Variants in RIMS1 observed in about 807,000 individuals in gnomAD.
RIMS1 encodes the protein regulating synaptic membrane exocytosis protein 1.
Under a neutral mutation model 214.1 loss-of-function variants are expected in RIMS1, and 83 were observed. The ratio of observed to expected loss-of-function variants is 0.39; its 90% CI spans 0.32 to 0.47. The LOEUF (loss-of-function observed/expected upper bound fraction) is 0.47. RIMS1 is among the 20% of genes least tolerant of loss of function. RIMS1 has a pLI of 0.99. For synonymous variants in RIMS1, 793 were observed against 786.8 expected (o/e 1.01, Z -0.13); for missense variants, 2,050 against 2,161.8 (o/e 0.95, Z 1.03).
chr6:72,026,831 C>G (rs1333692127), intron 2 of RIMS1, among the ~76,000 whole-genome samples: 1 of 152,072 alleles, frequency 6.6e-6, no homozygotes, highest in Non-Finnish European at 1.5e-5. Context: ...CTTCAAAAAG[C>G]TTTTAAAGCC....
intron 28 of RIMS1, among the ~76,000 whole-genome samples, chr6:72,329,841 T>C (rs1049270743): frequency 2.0e-5 from 3 of 151,732 alleles, no homozygotes; most frequent in Non-Finnish European, 2.9e-5. Context: ...AGCAGGTTTT[T>C]TGAGGGTTGA....
At chr6:72,223,555 G>A (rs2059204404) in intron 6 of RIMS1, among the ~76,000 whole-genome samples, 1 of 151,986 alleles carries the variant, frequency 6.6e-6, no homozygotes, top group Non-Finnish European at 1.5e-5. Flanking sequence ...ATCAGTAAGG[G>A]GAAATAAGGG....
At chr6:72,078,455 C>CT (rs369147652) in intron 2 of RIMS1, among the ~76,000 whole-genome samples, 142 of 152,126 alleles carry the variant, frequency 9.3e-4, no homozygotes, top group Middle Eastern at 3.4e-3. Context: ...TGCAAGTTCC[C>CT]TTTTTTCTGT....
chr6:72,361,096 CTTT>C (rs70994124), intron 29 of RIMS1, among the ~76,000 whole-genome samples: 211 of 54,394 alleles, frequency 3.9e-3, no homozygotes, highest in Middle Eastern at 0.015. Context: ...GTCTTTCTTT[CTTT>C]TTTTTTTTTT....
chr6:72,096,946 TAGG>T lies in RIMS1; in HGVS notation c.246_248del (p.Arg83del). Reference sequence around the variant, plus strand: ...GTTTGCTACCATTTTCTCTTTTGCCTAGGAGATTGCATCAACAGTTTGAAAGCT... The same window carrying T: ...GTTTGCTACCATTTTCTCTTTTGCCTAGATTGCATCAACAGTTTGAAAGCT... On this transcript the variant is annotated splice_acceptor_variant and coding_sequence_variant, in exon 3 of 34. Coordinates refer to ENST00000521978, the MANE Select transcript of RIMS1 (RefSeq NM_014989.7). LOFTEE classifies it high-confidence loss of function. 1 of 1,611,862 alleles carries T rather than the reference TAGG, an allele frequency of 6.2e-7. No homozygotes were observed. Among genetic ancestry groups the T allele is most frequent in the Non-Finnish European group, 8.5e-7 (1 of 1,178,480 alleles).
intron 1 of RIMS1, 46 bp from the exon 2 acceptor site, chr6:71,968,937 C>CT (rs756525685): frequency 6.5e-7 from 1 of 1,536,190 alleles, no homozygotes; most frequent in South Asian, 1.1e-5. Context: ...GTGTTCTACC[C>CT]TTTTTATAAT....
chr6:72,178,636 A>G (rs1171653334), intron 4 of RIMS1, among the ~76,000 whole-genome samples: 1 of 152,244 alleles, frequency 6.6e-6, no homozygotes, highest in Non-Finnish European at 1.5e-5. Context: ...GTAAAGTCAC[A>G]GCACAAAGAA....
intron 1 of RIMS1, among the ~76,000 whole-genome samples, chr6:71,905,590 T>C (rs1185050067): frequency 2.6e-5 from 2 of 75,624 alleles, no homozygotes; most frequent in Non-Finnish European, 3.6e-5. Context: ...TCAATTAAGC[T>C]ACCTGTTTCC....
chr6:72,148,516 T>C, intron 4 of RIMS1: 1 of 449,334 alleles, frequency 2.2e-6, no homozygotes, highest in Non-Finnish European at 4.5e-6. Flanking sequence ...TAGGATTATT[T>C]GCACTCACCT....
At chr6:72,265,349 ATTTAT>A (rs756123821) in intron 20 of RIMS1, 36 bp from the exon 21 acceptor site, 8 of 1,107,170 alleles carry the variant, frequency 7.2e-6, no homozygotes, top group Admixed American at 2.0e-5. Flanking sequence ...TTTAATTATA[ATTTAT>A]TTTATTTTAT....
At position 72,160,909 on chromosome 6, in the gene RIMS1, G is replaced by A. The variant is rs2045294914; in HGVS notation, c.472-18666G>A. ...GATGCTGGCCTCATAAAATGAGTTAGGGAGGATTCCCTCTTTTTCTATTGA... is the reference window on the plus strand; with the variant it reads ...GATGCTGGCCTCATAAAATGAGTTAAGGAGGATTCCCTCTTTTTCTATTGA... On this transcript the variant is annotated intron_variant, in intron 4 of 33. Coordinates refer to ENST00000521978, the MANE Select transcript of RIMS1 (RefSeq NM_014989.7). 1.4e-5 allele frequency among the ~76,000 whole-genome samples: 2 copies of A among 140,194 alleles called. 1 individual carries two copies. Among genetic ancestry groups the A allele is most frequent in the Non-Finnish European group, 3.2e-5 (2 of 61,772 alleles). 92.0% of individuals were successfully genotyped at this position (140,194 alleles called of 152,430 possible). A position where few individuals can be genotyped will look rare whatever the true frequency, so the allele number is the denominator to read the frequency against.
chr6:72,246,804 C>T (rs970396650), intron 11 of RIMS1, among the ~76,000 whole-genome samples: 1 of 152,020 alleles, frequency 6.6e-6, no homozygotes, highest in African/African-American at 2.4e-5. Flanking sequence ...ACACTGATTG[C>T]CATAATATTA....
At chr6:72,052,539 T>C (rs999694754) in intron 2 of RIMS1, among the ~76,000 whole-genome samples, 3 of 152,220 alleles carry the variant, frequency 2.0e-5, no homozygotes, top group Admixed American at 2.0e-4. Flanking sequence ...ATCATCTACA[T>C]TTCTTTGGAG....
intron 2 of RIMS1, 22 bp downstream of exon 2, chr6:71,969,085 T>C: frequency 2.5e-6 from 4 of 1,608,650 alleles, no homozygotes; most frequent in Non-Finnish European, 3.4e-6. Context: ...ATTGGTTTTA[T>C]TGACTGAAAA....
At chr6:72,335,321 C>G (rs2096803052) in intron 29 of RIMS1, among the ~76,000 whole-genome samples, 1 of 151,994 alleles carries the variant, frequency 6.6e-6, no homozygotes. Context: ...TAAGTGAGAA[C>G]ATTTAGTGTT....
chr6:72,397,900 A>C lies in RIMS1; in HGVS notation c.4619-349A>C, dbSNP rs186321901. On this transcript the variant is annotated intron_variant, in intron 31 of 33. Transcript: ENST00000521978. ...TAATGGTGGCTTTCTCTGGATAATG[A>C]AAATACATATGGTTACAATTTTTTA... Among the ~76,000 whole-genome samples the C allele has an allele frequency of 4.1e-4, 62 of 152,320 alleles. 1 individual carries two copies. Among genetic ancestry groups the C allele is most frequent in the African/African-American group, 1.4e-3 (60 of 41,586 alleles).
At position 72,160,503 on chromosome 6, in the gene RIMS1, T is replaced by C. The variant is rs868116663; in HGVS notation, c.472-19072T>C. ...GCTTCCAGTTTTTGCCCATTCAGTA[T>C]GATATTGGCTGTGGGTTTGTCATAA... is the stretch of plus-strand genomic sequence containing the variant. On this transcript the variant is annotated intron_variant, in intron 4 of 33. Transcript: ENST00000521978. Among the ~76,000 whole-genome samples the C allele has an allele frequency of 4.1e-4, 57 of 139,976 alleles. 4 individuals are homozygous for C. The highest frequency in any genetic ancestry group is 1.3e-3 in the African/African-American group (54 of 40,608). The allele number at this position is 139,976 out of a possible 152,430, so 91.8% of individuals were successfully genotyped here.
intron 1 of RIMS1, among the ~76,000 whole-genome samples, chr6:71,954,859 C>T (rs1790712873): frequency 7.1e-6 from 1 of 141,084 alleles, no homozygotes; most frequent in South Asian, 2.3e-4. Context: ...CACACACACA[C>T]ACACACACAC....
intron 6 of RIMS1, among the ~76,000 whole-genome samples, chr6:72,227,286 AT>A (rs1019943399): frequency 2.2e-4 from 34 of 152,164 alleles, no homozygotes; most frequent in African/African-American, 8.2e-4. Flanking sequence ...AGAAATGCTT[AT>A]AATTATATAA....
Sources: allele counts gnomAD v4.1 joint callset (sites outside exome capture counted in the v4.1 genomes callset), GRCh38; gene constraint gnomAD v4.1.1; transcripts MANE v1.5; gene names NCBI Gene and HGNC (gene_info 2026-07-23, HGNC 2026-07-21).